The following THSD7B variants were observed in gnomAD, a reference collection of about 807,000 sequenced individuals.
THSD7B encodes the protein thrombospondin type 1 domain containing 7B, also known as thrombospondin type-1 domain-containing protein 7B.
A neutral mutation model predicts 213.6 loss-of-function variants in THSD7B; 138 were observed. That is an observed-to-expected ratio of 0.65 (90% CI 0.56 to 0.74). THSD7B has a LOEUF of 0.74. Among genes scored for constraint, THSD7B ranks in the 30% least tolerant of loss-of-function variants. The probability of loss-of-function intolerance (pLI) is 0.00; values close to 1 mark genes in which losing one functional copy is unlikely to be tolerated. For missense variants in THSD7B, 1,931 were observed against 1,991.5 expected (o/e 0.97, Z 0.58); for synonymous variants, 742 against 687.0 (o/e 1.08, Z -1.25).
chr2:137,258,795 G>A lies in THSD7B; in HGVS notation c.2267-13738G>A, dbSNP rs896767263. On this transcript the variant is annotated intron_variant, in intron 10 of 27. Coordinates refer to ENST00000409968, the MANE Select transcript of THSD7B (RefSeq NM_001316349.2). ...ACCCATCATCTAGGTTTTAAGCCCC[G>A]CATGCATTAGGTATTTGTCCTAATG... Among the ~76,000 whole-genome samples the A allele has an allele frequency of 2.6e-5, 4 of 150,972 alleles. No individual in the cohort carries two copies. The East Asian group carries it at 5.9e-4, about 22-fold the overall frequency.
chr2:137,351,853 A>G (rs1685020111), intron 12 of THSD7B, among the ~76,000 whole-genome samples: 2 of 151,940 alleles, frequency 1.3e-5, no homozygotes, highest in African/African-American at 4.8e-5. Context: ...AATGCACTAA[A>G]TCAAGCTTGT....
chr2:137,659,931 G>C (rs16839270), intron 25 of THSD7B, among the ~76,000 whole-genome samples, 185 bp downstream of exon 25: 3,916 of 152,258 alleles, frequency 0.026, 146 homozygotes, highest in African/African-American at 0.088. Context: ...TATTAACAGT[G>C]TTTTTCTATA....
intron 20 of THSD7B, among the ~76,000 whole-genome samples, chr2:137,626,191 G>A (rs944825389): frequency 3.3e-5 from 5 of 152,130 alleles, no homozygotes; most frequent in African/African-American, 7.2e-5. Flanking sequence ...GGCCAGGCGC[G>A]GTGGCTCACG....
At chr2:137,400,983 G>A (rs183525819) in intron 12 of THSD7B, among the ~76,000 whole-genome samples, 3 of 152,308 alleles carry the variant, frequency 2.0e-5, no homozygotes, top group Admixed American at 2.0e-4. Context: ...TGGCTTAGGT[G>A]AAACCGCTGA....
intron 1 of THSD7B, among the ~76,000 whole-genome samples, chr2:136,790,952 G>T (rs1338467770): frequency 6.6e-6 from 1 of 151,966 alleles, no homozygotes; most frequent in Non-Finnish European, 1.5e-5. Context: ...CTTAGGAGGA[G>T]GTCTAAGACT....
chr2:137,205,620 C>T (rs978716545), intron 7 of THSD7B, among the ~76,000 whole-genome samples: 1 of 152,024 alleles, frequency 6.6e-6, no homozygotes, highest in African/African-American at 2.4e-5. Flanking sequence ...TGATTTTAGA[C>T]ATTGAACGTC....
intron 2 of THSD7B, among the ~76,000 whole-genome samples, chr2:136,900,230 C>T (rs1418925411): frequency 3.3e-5 from 5 of 152,190 alleles, no homozygotes; most frequent in African/African-American, 1.2e-4. Context: ...ATGTTACTAA[C>T]CCACTTGGTC....
At chr2:137,217,853 A>G (rs886621286) in intron 7 of THSD7B, among the ~76,000 whole-genome samples, 2 of 152,170 alleles carry the variant, frequency 1.3e-5, no homozygotes, top group African/African-American at 2.4e-5. Flanking sequence ...AGGTGATATA[A>G]TGGGTTAAAG....
At chr2:137,141,491 C>A (rs960301336) in intron 5 of THSD7B, among the ~76,000 whole-genome samples, 1 of 43,644 alleles carries the variant, frequency 2.3e-5, no homozygotes, top group African/African-American at 1.4e-4. Context: ...TGCACACACA[C>A]ACTCACACAC....
At chr2:137,377,455 AT>A (rs535057844) in intron 12 of THSD7B, among the ~76,000 whole-genome samples, 3 of 151,894 alleles carry the variant, frequency 2.0e-5, no homozygotes, top group East Asian at 1.9e-4. Context: ...TGGGAAAATC[AT>A]TTTTTTTCTG....
At chr2:137,415,664 GTTTTTTTT>G (rs10563702) in intron 14 of THSD7B, among the ~76,000 whole-genome samples, 5 of 80,102 alleles carry the variant, frequency 6.2e-5, no homozygotes, top group East Asian at 4.9e-4. Context: ...TTATATCAGT[GTTTTTTTT>G]TTTTTTTTTT....
chr2:136,901,353 A>T (rs965426265), intron 2 of THSD7B, among the ~76,000 whole-genome samples: 4 of 152,242 alleles, frequency 2.6e-5, no homozygotes, highest in African/African-American at 9.6e-5. Context: ...AACCAAGAAG[A>T]ATTGCCCTGT....
At chr2:137,242,667 T>C in intron 10 of THSD7B, 95 bp downstream of exon 10, 1 of 856,520 alleles carries the variant, frequency 1.2e-6, no homozygotes, top group East Asian at 2.7e-5. Context: ...GAGCACCTTT[T>C]TTTTTTTTCA....
intron 2 of THSD7B, among the ~76,000 whole-genome samples, chr2:137,048,533 T>C (rs1251179752): frequency 6.6e-6 from 1 of 152,200 alleles, no homozygotes; most frequent in East Asian, 1.9e-4. Context: ...GAAAATATTG[T>C]CTTGGGTATG....
At chr2:137,035,821 A>T (rs910077806) in intron 2 of THSD7B, among the ~76,000 whole-genome samples, 1 of 152,192 alleles carries the variant, frequency 6.6e-6, no homozygotes, top group African/African-American at 2.4e-5. Context: ...TCCCATAACT[A>T]TAATGTTTTA....
intron 21 of THSD7B, among the ~76,000 whole-genome samples, chr2:137,646,902 T>A (rs1429118408): frequency 6.6e-6 from 1 of 152,118 alleles, no homozygotes. Flanking sequence ...TTCTTTAGAT[T>A]TAAAGTTGCT....
intron 2 of THSD7B, among the ~76,000 whole-genome samples, chr2:136,940,816 G>A (rs1266237444): frequency 6.9e-6 from 1 of 144,756 alleles, no homozygotes; most frequent in African/African-American, 2.6e-5. Flanking sequence ...TAGTTTTTTT[G>A]TAGGTGTTCT....
At chr2:136,931,219 TA>T (rs1280844595) in intron 2 of THSD7B, among the ~76,000 whole-genome samples, 1 of 152,162 alleles carries the variant, frequency 6.6e-6, no homozygotes, top group Admixed American at 6.5e-5. Context: ...GAAATATGTA[TA>T]TACATGTGTG....
intron 10 of THSD7B, among the ~76,000 whole-genome samples, chr2:137,271,456 A>T (rs1313066835): frequency 7.0e-6 from 1 of 142,590 alleles, no homozygotes; most frequent in Non-Finnish European, 1.5e-5. Context: ...ATATAATATA[A>T]TATATAATAT....
Sources: gnomAD v4.1 joint callset for allele counts (sites outside exome capture counted in the v4.1 genomes callset) on GRCh38, gnomAD v4.1.1 for gene constraint, MANE v1.5 for transcripts, NCBI Gene and HGNC (gene_info 2026-07-23, HGNC 2026-07-21) for gene names.